Variants in RBFOX1 observed in about 807,000 individuals in gnomAD.
The protein encoded by RBFOX1 is RNA binding protein fox-1 homolog 1.
Under a neutral mutation model 57.7 loss-of-function variants are expected in RBFOX1, and 8 were observed. The ratio of observed to expected loss-of-function variants is 0.14; its 90% CI spans 0.08 to 0.25. The LOEUF (loss-of-function observed/expected upper bound fraction) is 0.25, where lower values mean the gene tolerates loss of function less well. Among genes scored for constraint, RBFOX1 ranks in the 10% least tolerant of loss-of-function variants. The pLI is 1.00. For missense variants in RBFOX1, 611 were observed against 548.5 expected, an observed-to-expected ratio of 1.11 and a Z score of -1.14; for synonymous variants, 326 against 222.4, an observed-to-expected ratio of 1.47 and a Z score of -4.15.
chr16:7,474,011 GGGCATGGT>G (rs2062100060), intron 4 of RBFOX1, among the ~76,000 whole-genome samples: 1 of 151,982 alleles, frequency 6.6e-6, no homozygotes, highest in African/African-American at 2.4e-5. Flanking sequence ...CCCCCCGGCC[GGGCATGGT>G]GGCTCACGCC....
At chr16:6,740,684 A>T (rs1292843937) in intron 3 of RBFOX1, among the ~76,000 whole-genome samples, 1 of 152,230 alleles carries the variant, frequency 6.6e-6, no homozygotes, top group South Asian at 2.1e-4. Flanking sequence ...CAGGACTTGT[A>T]TGCTGAAAAT....
At chr16:6,271,842 G>T (rs2075254591) in intron 1 of RBFOX1, among the ~76,000 whole-genome samples, 1 of 152,092 alleles carries the variant, frequency 6.6e-6, no homozygotes, top group Non-Finnish European at 1.5e-5. Flanking sequence ...AGATCAGGAG[G>T]TTTTTGTTAG....
chr16:5,454,926 T>TCTTCCTTC (rs1162105535), intron 1 of RBFOX1, among the ~76,000 whole-genome samples: 41 of 54,818 alleles, frequency 7.5e-4, no homozygotes, highest in South Asian at 4.0e-3. Context: ...TTTGTTTCTT[T>TCTTCCTTC]CTTCCTTCCT....
At chr16:7,110,067 A>C (rs1271056620) in intron 4 of RBFOX1, among the ~76,000 whole-genome samples, 2 of 151,870 alleles carry the variant, frequency 1.3e-5, no homozygotes, top group East Asian at 3.9e-4. Context: ...AATCACTAAG[A>C]ATCTCTGTGT....
intron 1 of RBFOX1, among the ~76,000 whole-genome samples, chr16:6,083,715 G>T (rs1015641504): frequency 6.6e-6 from 1 of 151,960 alleles, no homozygotes; most frequent in African/African-American, 2.4e-5. Context: ...AGGCTCATGC[G>T]ATCCTCCTAC....
intron 1 of RBFOX1, among the ~76,000 whole-genome samples, chr16:6,046,479 A>G (rs955102497): frequency 2.6e-5 from 4 of 152,234 alleles, no homozygotes; most frequent in Non-Finnish European, 4.4e-5. Flanking sequence ...AATACAATGT[A>G]TACTCGAGTC....
At chr16:7,257,148 C>G (rs180844525) in intron 4 of RBFOX1, among the ~76,000 whole-genome samples, 15 of 152,126 alleles carry the variant, frequency 9.9e-5, no homozygotes, top group African/African-American at 2.9e-4. Flanking sequence ...TTCGGAAAAC[C>G]CTTTCCGGTC....
chr16:7,217,695 AAG>A (rs1030586023), intron 4 of RBFOX1, among the ~76,000 whole-genome samples: 22 of 152,154 alleles, frequency 1.4e-4, no homozygotes, highest in Admixed American at 1.4e-3. Context: ...TTTTTTGGTG[AAG>A]AGTCACCATT....
At chr16:6,947,855 C>T (rs564250801) in intron 3 of RBFOX1, among the ~76,000 whole-genome samples, 39 of 152,300 alleles carry the variant, frequency 2.6e-4, no homozygotes, top group African/African-American at 8.4e-4. Context: ...TGGCTCACTG[C>T]AAAGTCCACC....
chr16:5,650,154 C>G (rs1230806658), intron 3 of RBFOX1, among the ~76,000 whole-genome samples: 1 of 152,214 alleles, frequency 6.6e-6, no homozygotes, highest in African/African-American at 2.4e-5. Flanking sequence ...CCTCCAGCCC[C>G]CACCCCCAAC....
chr16:6,781,224 G>C (rs1047941999), intron 3 of RBFOX1, among the ~76,000 whole-genome samples: 1 of 152,062 alleles, frequency 6.6e-6, no homozygotes. Context: ...GATATGATAT[G>C]TCACATTTAT....
intron 4 of RBFOX1, among the ~76,000 whole-genome samples, chr16:7,303,014 G>C (rs2096070031): frequency 6.6e-6 from 1 of 152,164 alleles, no homozygotes; most frequent in South Asian, 2.1e-4. Context: ...TCTCTTATCA[G>C]ACACGGACTT....
At chr16:6,723,395 TAA>T (rs2066441805) in intron 3 of RBFOX1, among the ~76,000 whole-genome samples, 1 of 152,140 alleles carries the variant, frequency 6.6e-6, no homozygotes, top group South Asian at 2.1e-4. Context: ...GATAAAGACT[TAA>T]AGATACCACT....
At position 6,699,595 on chromosome 16, in the gene RBFOX1, C is replaced by T. The variant is rs139673661; in HGVS notation, c.-16+44945C>T. Among the ~76,000 whole-genome samples the T allele has an allele frequency of 2.9e-3, 437 of 152,332 alleles. 3 individuals carry two copies. Among genetic ancestry groups the T allele is most frequent in the African/African-American group, 0.01 (419 of 41,576 alleles). ...ATATGTCATAACAGACAAATGGGCT[C>T]TTTAAACTGTACGACGGGAAGAGTG... On this transcript the variant is annotated intron_variant, in intron 3 of 15. Transcript: ENST00000550418.
intron 1 of RBFOX1, among the ~76,000 whole-genome samples, chr16:5,292,515 T>A (rs2063559473): frequency 1.3e-5 from 2 of 152,190 alleles, no homozygotes; most frequent in African/African-American, 4.8e-5. Flanking sequence ...GACACAACCT[T>A]ATTTTCCATT....
At chr16:6,038,502 A>G (rs1380670300) in intron 1 of RBFOX1, 1 of 145,558 alleles carries the variant, frequency 6.9e-6, no homozygotes, top group Non-Finnish European at 1.5e-5. Context: ...TGTACACTGT[A>G]CCTCAATATC....
chr16:6,760,490 C>T (rs919229134), intron 3 of RBFOX1, among the ~76,000 whole-genome samples: 1 of 152,116 alleles, frequency 6.6e-6, no homozygotes, highest in African/African-American at 2.4e-5. Context: ...CCAAGGATAC[C>T]AGCAATCACA....
intron 4 of RBFOX1, among the ~76,000 whole-genome samples, chr16:7,444,144 T>A (rs531443436): frequency 6.6e-6 from 1 of 152,214 alleles, no homozygotes; most frequent in Non-Finnish European, 1.5e-5. Context: ...TAAACCAACA[T>A]TAGCTAGGGT....
intron 3 of RBFOX1, among the ~76,000 whole-genome samples, chr16:6,857,963 C>T (rs1237047434): frequency 1.3e-5 from 2 of 152,042 alleles, no homozygotes; most frequent in Non-Finnish European, 2.9e-5. Context: ...ACTGGTTTTT[C>T]GTAGGTCAGA....
Sources: gnomAD v4.1 joint callset for allele counts (sites outside exome capture counted in the v4.1 genomes callset) on GRCh38, gnomAD v4.1.1 for gene constraint, MANE v1.5 for transcripts, NCBI Gene and HGNC (gene_info 2026-07-23, HGNC 2026-07-21) for gene names.